Variants in MRPL4 observed in about 807,000 individuals in gnomAD.
MRPL4 encodes large ribosomal subunit protein uL4m.
Under a neutral mutation model 34.1 loss-of-function variants are expected in MRPL4, and 34 were observed. That is an observed-to-expected ratio of 1.00 (90% CI 0.76 to 1.33). MRPL4 has a LOEUF of 1.33. Among genes scored for constraint, MRPL4 ranks in the 40% most tolerant of loss-of-function variants. The pLI is 0.00. For synonymous variants in MRPL4, 196 were observed against 188.3 expected (o/e 1.04, Z -0.33); for missense variants, 402 against 434.6 (o/e 0.92, Z 0.67).
At chr19:10,251,970 G>T, upstream of MRPL4, 1 of 506,440 alleles carries the variant, frequency 2.0e-6, no homozygotes, top group Non-Finnish European at 3.4e-6. Context: ...GGGACCCAAA[G>T]TAGGCTAGGC....
chr19:10,252,381 C>A lies in MRPL4; in HGVS notation c.58-16C>A, dbSNP rs374564124. ...GTGTCCAGGGGTCGTCTCTCACTTT[C>A]GCCCAACCCTTGCAGGGCCTGAGTT... On this transcript the variant is annotated splice_polypyrimidine_tract_variant and intron_variant, in intron 1 of 8. Transcript: ENST00000253099. 1.2e-6 allele frequency: 2 copies of A among 1,614,084 alleles called. No homozygotes were observed. Among genetic ancestry groups the A allele is most frequent in the Non-Finnish European group, 1.7e-6 (2 of 1,179,954 alleles).
At chr19:10,253,710 G>A (rs1274028124) in intron 3 of MRPL4, among the ~76,000 whole-genome samples, 1 of 151,682 alleles carries the variant, frequency 6.6e-6, no homozygotes, top group Non-Finnish European at 1.5e-5. Context: ...AGAATCGCTT[G>A]CACCTGGGGA....
rs202218040 is a variant in MRPL4, at chr19:10,259,694, C to A, written c.817C>A (p.Leu273Met). The change falls in exon 9 of 9, where the codon CTG becomes ATG. Residue 273 changes from leucine (L) to methionine (M), a missense_variant. Physicochemically the swap from Leu to Met is conservative, Grantham distance 15. Transcript: ENST00000253099. ...CACCGTCGCCTTCCTGGAGGACAAG[C>A]TGCTCTGGCAGGACTCACGTTACAG... ...LPTVAFLEDK[L>M]LWQDSRYRPL... 16 of 1,612,536 alleles carry A rather than the reference C, an allele frequency of 9.9e-6. No individual in the cohort carries two copies. In the Admixed American group the frequency reaches 1.8e-4, roughly 19 times the overall value.
At chr19:10,252,211 T>C, upstream of MRPL4, 7 of 1,548,746 alleles carry the variant, frequency 4.5e-6, no homozygotes, top group Non-Finnish European at 6.1e-6. Flanking sequence ...CTCGCGAGGC[T>C]CCAGTGGCCT....
intron 8 of MRPL4, 169 bp from the exon 9 acceptor site, chr19:10,259,448 G>T: frequency 7.0e-7 from 1 of 1,430,688 alleles, no homozygotes; most frequent in Non-Finnish European, 9.1e-7. Flanking sequence ...AGGCTTACAG[G>T]CAACAAGCGG....
At chr19:10,257,375 T>C (rs1023044213) in intron 5 of MRPL4, among the ~76,000 whole-genome samples, 1 of 152,140 alleles carries the variant, frequency 6.6e-6, no homozygotes, top group Non-Finnish European at 1.5e-5. Context: ...AGCCACCCCA[T>C]CACCTGTTTA....
intron 3 of MRPL4, 77 bp downstream of exon 3, chr19:10,252,778 G>A: frequency 6.6e-7 from 1 of 1,525,254 alleles, no homozygotes; most frequent in Non-Finnish European, 8.8e-7. Context: ...ATGACTTTGG[G>A]CTTGTACCCT....
chr19:10,259,189 G>T, intron 8 of MRPL4: 1 of 1,222,416 alleles, frequency 8.2e-7, no homozygotes, highest in Middle Eastern at 3.3e-4. Flanking sequence ...ATGGCGACAT[G>T]AGCCTAAGTC....
rs770200821 is a variant in MRPL4, at chr19:10,252,249, C to A, written c.-5C>A. The A allele has an allele frequency of 1.2e-6, 2 of 1,601,394 alleles. No individual in the cohort carries two copies. Among genetic ancestry groups the A allele is most frequent in the Non-Finnish European group, 1.7e-6 (2 of 1,175,516 alleles). On this transcript the variant is annotated 5_prime_UTR_variant, in exon 1 of 9. Transcript: ENST00000253099. Reference sequence around the variant, plus strand: ...ACCTCCCGCGGCGTGGGAGGCTGCGCGGCGATGCTGCAGTTCGTCCGGGCC... The same window carrying A: ...ACCTCCCGCGGCGTGGGAGGCTGCGAGGCGATGCTGCAGTTCGTCCGGGCC...
chr19:10,257,891 GGCTGTAGT>G (rs997011743), intron 5 of MRPL4, among the ~76,000 whole-genome samples: 1 of 151,868 alleles, frequency 6.6e-6, no homozygotes, highest in African/African-American at 2.4e-5. Flanking sequence ...CTGTTGCCCA[GGCTGTAGT>G]GCAGTGGTGC....
intron 3 of MRPL4, among the ~76,000 whole-genome samples, chr19:10,253,770 C>G (rs187299043): frequency 6.8e-6 from 1 of 148,062 alleles, no homozygotes; most frequent in East Asian, 2.0e-4. Context: ...CCAGCCTGGG[C>G]GACAGAGACA....
Position 10,252,318 on chromosome 19 carries a change from C to T in MRPL4, c.57+8C>T. The T allele has an allele frequency of 6.2e-7, 1 of 1,612,000 alleles. No homozygotes were observed. Among genetic ancestry groups the T allele is most frequent in the Non-Finnish European group, 8.5e-7 (1 of 1,178,640 alleles). ...CGGCCTACCGGCAGCCAGGTGAGGC[C>T]AGGGGCTGGAGGCGTGGTCGAAGGA... On this transcript the variant is annotated splice_region_variant and intron_variant, in intron 1 of 8. Transcript: ENST00000253099.
rs766464109 is a variant in MRPL4 at position 10,258,344 on chromosome 19, G to T, written c.552+16G>T. ...GCTGGCCCAGGTACAGCCATGGGGGGGCCCAGACAGCTGCTAGAGGTGGGG... is the reference window on the plus strand; with the variant it reads ...GCTGGCCCAGGTACAGCCATGGGGGTGCCCAGACAGCTGCTAGAGGTGGGG... On this transcript the variant is annotated intron_variant, in intron 6 of 8. Coordinates refer to ENST00000253099, the MANE Select transcript of MRPL4 (RefSeq NM_015956.3). 35 of 1,613,822 alleles carry T rather than the reference G, an allele frequency of 2.2e-5. No individual in the cohort carries two copies. The highest frequency in any genetic ancestry group is 4.0e-5 in the African/African-American group (3 of 74,908).
intron 3 of MRPL4, chr19:10,252,931 C>T (rs2039809340): frequency 1.7e-6 from 1 of 594,650 alleles, no homozygotes; most frequent in Non-Finnish European, 2.8e-6. Flanking sequence ...AATTCTGGAG[C>T]CCGACTGATT....
rs997984528 is a variant in MRPL4, at chr19:10,254,608, G to A, written c.295G>A (p.Val99Ile). 1 of 1,614,002 alleles carries A rather than the reference G, an allele frequency of 6.2e-7. No individual in the cohort carries two copies. Among genetic ancestry groups the A allele is most frequent in the East Asian group, 2.2e-5 (1 of 44,870 alleles). Residue 99 changes from valine to isoleucine, a missense_variant, in exon 4 of 9, where the codon GTT becomes ATT. By Grantham distance (29) the Val-to-Ile change is conservative. Transcript: ENST00000253099. ...TAPRLDILHQ[V>I]AMWQKNFKRI... ...CCGCAGGCTGGACATACTGCACCAG[G>A]TTGCTATGTGGCAGAAGAACTTCAA... is the stretch of plus-strand genomic sequence containing the variant.
rs1382546408 is a variant in MRPL4, at chr19:10,259,191, G to C, written c.740-426G>C. On this transcript the variant is annotated intron_variant, in intron 8 of 8. Transcript: ENST00000253099. ...CCACAGCCACAAGATGGCGACATGA[G>C]CCTAAGTCAAGTCCTGTCCCTCAAC... The C allele has an allele frequency of 4.7e-6, 6 of 1,274,902 alleles. No individual in the cohort carries two copies. In the African/African-American group the frequency reaches 9.5e-5, roughly 20 times the overall value. The allele number at this position is 1,274,902 out of a possible 1,614,324, so 79.0% of individuals were successfully genotyped here.
chr19:10,256,650 G>T, intron 4 of MRPL4, 58 bp from the exon 5 acceptor site: 5 of 1,472,462 alleles, frequency 3.4e-6, no homozygotes, highest in Non-Finnish European at 4.7e-6. Flanking sequence ...GGACTGATCT[G>T]CCCGGCTCCC....
In MRPL4 at chr19:10,252,543, C is replaced by T; in HGVS notation, c.125-8C>T. On this transcript the variant is annotated splice_region_variant and splice_polypyrimidine_tract_variant and intron_variant, in intron 2 of 8. Coordinates refer to ENST00000253099, the MANE Select transcript of MRPL4 (RefSeq NM_015956.3). ...GACCCTAACCTCTGACCCCCGCAAT[C>T]GCTCCAGGTCTCCCGGAGCCCGTGC... 6.2e-7 allele frequency: 1 copy of T among 1,612,920 alleles called. No individual in the cohort carries two copies.
intron 4 of MRPL4, chr19:10,255,523 A>C (rs567398833): frequency 7.9e-5 from 12 of 152,718 alleles, no homozygotes; most frequent in African/African-American, 2.4e-4. Context: ...TAACAGGAAC[A>C]GGGTGTGCAA....
Sources: gnomAD v4.1 joint callset for allele counts (sites outside exome capture counted in the v4.1 genomes callset) on GRCh38, gnomAD v4.1.1 for gene constraint, MANE v1.5 for transcripts, NCBI Gene and HGNC (gene_info 2026-07-23, HGNC 2026-07-21) for gene names.